Variants in CSMD1 observed in about 807,000 individuals in gnomAD.
The protein encoded by CSMD1 is CUB and sushi domain-containing protein 1.
In CSMD1, 213 loss-of-function variants were observed where a neutral mutation model predicts 417.5. The observed-to-expected ratio is 0.51, with a 90% CI of 0.46 to 0.57. CSMD1 has a LOEUF of 0.57. Among genes scored for constraint, CSMD1 ranks in the 20% least tolerant of loss-of-function variants. The pLI, the probability that CSMD1 is intolerant of heterozygous loss-of-function variation, is 0.00. For synonymous variants in CSMD1, 2,862 were observed against 1,736.8 expected (o/e 1.65, Z -16.11); for missense variants, 6,923 against 4,529.7 (o/e 1.53, Z -15.17).
intron 1 of CSMD1, among the ~76,000 whole-genome samples, chr8:4,950,128 AAT>A (rs1197338139): frequency 1.3e-5 from 2 of 152,140 alleles, no homozygotes; most frequent in Non-Finnish European, 2.9e-5. Context: ...ATAAGATTTT[AAT>A]ATATGTCTAT....
At chr8:4,925,593 C>G (rs1353679842) in intron 1 of CSMD1, among the ~76,000 whole-genome samples, 2 of 150,712 alleles carry the variant, frequency 1.3e-5, no homozygotes, top group Non-Finnish European at 2.9e-5. Context: ...GTCTCCCAGG[C>G]TGGAGTGCAG....
At chr8:4,235,937 A>T (rs1802021181) in intron 3 of CSMD1, among the ~76,000 whole-genome samples, 1 of 151,616 alleles carries the variant, frequency 6.6e-6, no homozygotes, top group South Asian at 2.1e-4. Flanking sequence ...ATTTGTGTTT[A>T]CCGTGAAATT....
intron 12 of CSMD1, among the ~76,000 whole-genome samples, chr8:3,412,407 G>C (rs1400858714): frequency 6.6e-6 from 1 of 152,104 alleles, no homozygotes; most frequent in Non-Finnish European, 1.5e-5. Context: ...TGGTTTGAAG[G>C]TCTGCTGTGA....
At position 4,249,304 on chromosome 8, in the gene CSMD1, T is replaced by G. The variant is rs570240691; in HGVS notation, c.415+170649A>C. Among the ~76,000 whole-genome samples the G allele has an allele frequency of 7.5e-4, 114 of 152,314 alleles. 1 individual carries two copies. The highest frequency in any genetic ancestry group is 2.7e-3 in the African/African-American group (111 of 41,584). On this transcript the variant is annotated intron_variant, in intron 3 of 69. Coordinates refer to ENST00000635120, the MANE Select transcript of CSMD1 (RefSeq NM_033225.6). ...AAAGTTATGGAAGGTAGGATGAAGA[T>G]GACCTGGCAAAGCCACTTGTTTCTA...
At chr8:3,324,331 C>T (rs982843506) in intron 23 of CSMD1, among the ~76,000 whole-genome samples, 2 of 151,018 alleles carry the variant, frequency 1.3e-5, no homozygotes, top group South Asian at 2.1e-4. Context: ...CCCCACTAGT[C>T]GTCACTGTTA....
chr8:3,088,736 T>C (rs1814713609), intron 48 of CSMD1, among the ~76,000 whole-genome samples: 1 of 150,984 alleles, frequency 6.6e-6, no homozygotes, highest in Non-Finnish European at 1.5e-5. Context: ...CAGTTATTTC[T>C]AGACCAAATT....
chr8:3,990,359 A>G (rs2627377), intron 5 of CSMD1, among the ~76,000 whole-genome samples: 70,606 of 151,898 alleles, frequency 0.46, 16,419 homozygotes, highest in African/African-American at 0.5. Context: ...TTACACCAGA[A>G]CTGTAGAGTT....
chr8:3,023,918 C>T (rs1029362149), intron 51 of CSMD1, among the ~76,000 whole-genome samples: 1 of 151,412 alleles, frequency 6.6e-6, no homozygotes, highest in African/African-American at 2.4e-5. Context: ...GTGATGCTAC[C>T]CTTGAAGATT....
intron 5 of CSMD1, among the ~76,000 whole-genome samples, chr8:3,895,454 T>A (rs1312559633): frequency 6.6e-6 from 1 of 152,134 alleles, no homozygotes; most frequent in Admixed American, 6.5e-5. Context: ...AATGTTTAAA[T>A]CTTAGCAGAC....
chr8:3,795,133 C>G (rs188643698), intron 5 of CSMD1, among the ~76,000 whole-genome samples: 2 of 38,726 alleles, frequency 5.2e-5, no homozygotes, highest in Admixed American at 5.6e-4. Flanking sequence ...TCATGTACAG[C>G]TATAGATATC....
intron 1 of CSMD1, among the ~76,000 whole-genome samples, chr8:4,818,618 G>A (rs561595051): frequency 6.6e-6 from 1 of 152,208 alleles, no homozygotes; most frequent in African/African-American, 2.4e-5. Context: ...ACACCCTTGA[G>A]GGAAAGTGCC....
At chr8:3,448,708 T>A (rs1462445895) in intron 12 of CSMD1, among the ~76,000 whole-genome samples, 1 of 151,748 alleles carries the variant, frequency 6.6e-6, no homozygotes, top group Non-Finnish European at 1.5e-5. Context: ...GCATCGAGAG[T>A]CCTCTAGGCT....
chr8:3,865,072 C>T (rs1469122455), intron 5 of CSMD1, among the ~76,000 whole-genome samples: 3 of 152,172 alleles, frequency 2.0e-5, no homozygotes, highest in Non-Finnish European at 4.4e-5. Flanking sequence ...CATATGCCAA[C>T]AGTGTTACTT....
At chr8:4,445,066 A>T (rs1798701891) in intron 2 of CSMD1, among the ~76,000 whole-genome samples, 3 of 152,244 alleles carry the variant, frequency 2.0e-5, no homozygotes, top group African/African-American at 7.2e-5. Context: ...GCACTCATAC[A>T]AAACTACATG....
intron 47 of CSMD1, among the ~76,000 whole-genome samples, chr8:3,094,989 T>G (rs1457805512): frequency 6.6e-6 from 1 of 152,202 alleles, no homozygotes; most frequent in African/African-American, 2.4e-5. Context: ...GCAAGTATTA[T>G]GCTATTGTCT....
At chr8:4,897,618 T>C (rs1663387771) in intron 1 of CSMD1, among the ~76,000 whole-genome samples, 1 of 152,146 alleles carries the variant, frequency 6.6e-6, no homozygotes, top group South Asian at 2.1e-4. Flanking sequence ...AAACTCATTA[T>C]TTGTCATTAC....
At chr8:4,560,502 C>A (rs898154847) in intron 2 of CSMD1, among the ~76,000 whole-genome samples, 1 of 152,084 alleles carries the variant, frequency 6.6e-6, no homozygotes, top group African/African-American at 2.4e-5. Flanking sequence ...CCTCTGACAC[C>A]CAAACTTTAA....
chr8:4,613,984 A>G (rs558196916), intron 2 of CSMD1, among the ~76,000 whole-genome samples: 2 of 152,302 alleles, frequency 1.3e-5, no homozygotes, highest in Admixed American at 6.5e-5. Context: ...CATGGAAAAT[A>G]AAGATTTTAC....
At chr8:3,672,206 G>C (rs943333637) in intron 7 of CSMD1, among the ~76,000 whole-genome samples, 2 of 152,128 alleles carry the variant, frequency 1.3e-5, no homozygotes, top group African/African-American at 4.8e-5. Flanking sequence ...AATTGACTGA[G>C]TATGGCCTGA....
Sources: gnomAD v4.1 joint callset for allele counts (sites outside exome capture counted in the v4.1 genomes callset) on GRCh38, gnomAD v4.1.1 for gene constraint, MANE v1.5 for transcripts, NCBI Gene and HGNC (gene_info 2026-07-23, HGNC 2026-07-21) for gene names.